The following EVI5 variants were observed in gnomAD, a reference collection of about 807,000 sequenced individuals.
The protein encoded by EVI5 is ecotropic viral integration site 5.
Under a neutral mutation model 112.0 loss-of-function variants are expected in EVI5, and 73 were observed. The observed-to-expected ratio is 0.65, with a 90% CI of 0.54 to 0.79. The LOEUF (loss-of-function observed/expected upper bound fraction) is 0.79. Ranked by LOEUF, EVI5 falls within the 30% of genes least tolerant of loss-of-function variation. The pLI is 0.00. For missense variants in EVI5, 900 were observed against 968.8 expected (o/e 0.93, Z 0.94); for synonymous variants, 305 against 319.9 (o/e 0.95, Z 0.50).
At position 92,708,618 on chromosome 1, in the gene EVI5, T is replaced by C. The variant is rs1457505455; in HGVS notation, c.150-3874A>G. Among the ~76,000 whole-genome samples, 6 of 152,196 alleles carry C rather than the reference T, an allele frequency of 3.9e-5. No individual in the cohort carries two copies. In the South Asian group the frequency reaches 8.3e-4, roughly 21 times the overall value. ...CTCAGCAATTCCACTCTTAGGTATA[T>C]ATCCAAAAGAAATGAAAATTTATAT... On this transcript the variant is annotated intron_variant, in intron 2 of 19. Coordinates refer to ENST00000684568, the MANE Select transcript of EVI5 (RefSeq NM_001350197.2).
chr1:92,675,425 T>C (rs1353374463), intron 10 of EVI5, among the ~76,000 whole-genome samples: 1 of 152,204 alleles, frequency 6.6e-6, no homozygotes, highest in Non-Finnish European at 1.5e-5. Flanking sequence ...TATTCCTATA[T>C]TCATGTACTT....
At chr1:92,777,179 C>T (rs1332764626) in intron 1 of EVI5, among the ~76,000 whole-genome samples, 3 of 152,158 alleles carry the variant, frequency 2.0e-5, no homozygotes, top group Non-Finnish European at 2.9e-5. Flanking sequence ...CTCAGGTGAT[C>T]CAGCTGCCTC....
chr1:92,582,156 T>A (rs1252561770), intron 18 of EVI5, among the ~76,000 whole-genome samples: 1 of 152,200 alleles, frequency 6.6e-6, no homozygotes, highest in Non-Finnish European at 1.5e-5. Flanking sequence ...TGTTACCGTA[T>A]GGAATACTGT....
chr1:92,645,300 A>G (rs1212199124), intron 13 of EVI5, among the ~76,000 whole-genome samples: 1 of 152,124 alleles, frequency 6.6e-6, no homozygotes, highest in African/African-American at 2.4e-5. Flanking sequence ...TGTCTATGAT[A>G]CTAATGCAGA....
intron 15 of EVI5, among the ~76,000 whole-genome samples, chr1:92,625,332 T>C (rs1161766774): frequency 1.3e-5 from 2 of 152,222 alleles, no homozygotes; most frequent in Non-Finnish European, 2.9e-5. Context: ...CTTGTCAACA[T>C]TTCCCTCATA....
In EVI5 at chr1:92,510,456, C is replaced by T. The variant is rs200278515; in HGVS notation, c.*3200G>A. 3 of 152,146 alleles carry T rather than the reference C, an allele frequency of 2.0e-5. No individual in the cohort carries two copies. Among genetic ancestry groups the T allele is most frequent in the Non-Finnish European group, 4.4e-5 (3 of 68,030 alleles). The allele number at this position is 152,146 out of a possible 1,614,324, so 9.4% of individuals were successfully genotyped here. A position where few individuals can be genotyped will look rare whatever the true frequency, so the allele number is the denominator to read the frequency against. On this transcript the variant is annotated 3_prime_UTR_variant, in exon 20 of 20. Coordinates refer to ENST00000684568, the MANE Select transcript of EVI5 (RefSeq NM_001350197.2). Reference sequence around the variant, plus strand: ...GGCATGTTTTCCCTTTTGAATAGTTCTGATTATAATATCCACCATGAAATT... The same window carrying T: ...GGCATGTTTTCCCTTTTGAATAGTTTTGATTATAATATCCACCATGAAATT...
chr1:92,650,130 C>CT (rs528205339), intron 13 of EVI5, among the ~76,000 whole-genome samples: 11 of 151,932 alleles, frequency 7.2e-5, no homozygotes, highest in African/African-American at 9.6e-5. Context: ...CAACTTTGTT[C>CT]TTTTTTTTCA....
intron 18 of EVI5, among the ~76,000 whole-genome samples, chr1:92,573,078 T>C (rs1175010113): frequency 6.6e-6 from 1 of 152,082 alleles, no homozygotes; most frequent in Non-Finnish European, 1.5e-5. Context: ...CTAATAAATA[T>C]TTTTTAAATG....
intron 9 of EVI5, among the ~76,000 whole-genome samples, chr1:92,681,807 A>G (rs1295244825): frequency 6.6e-6 from 1 of 152,220 alleles, no homozygotes; most frequent in Non-Finnish European, 1.5e-5. Context: ...CACTTGAAAT[A>G]TAACTGATGA....
Position 92,603,467 on chromosome 1 carries a change from G to A in EVI5, c.2070+1840C>T, listed in dbSNP as rs185856676. 3.9e-3 allele frequency among the ~76,000 whole-genome samples: 593 copies of A among 152,090 alleles called. 12 individuals are homozygous for A. Among genetic ancestry groups the A allele is most frequent in the Admixed American group, 0.035 (538 of 15,276 alleles). Reference sequence around the variant, plus strand: ...CTAAATGTCCATCAATGAATGAACAGATAAAAAATGTGGTATATACATACA... The same window carrying A: ...CTAAATGTCCATCAATGAATGAACAAATAAAAAATGTGGTATATACATACA... On this transcript the variant is annotated intron_variant, in intron 18 of 19. Coordinates refer to ENST00000684568, the MANE Select transcript of EVI5 (RefSeq NM_001350197.2).
intron 2 of EVI5, among the ~76,000 whole-genome samples, chr1:92,720,162 T>C (rs573751649): frequency 6.6e-6 from 1 of 152,018 alleles, no homozygotes; most frequent in Non-Finnish European, 1.5e-5. Flanking sequence ...CTTCACAGAA[T>C]TGGAAAAAAC....
At chr1:92,745,964 A>C (rs1379213614) in intron 1 of EVI5, among the ~76,000 whole-genome samples, 1 of 152,238 alleles carries the variant, frequency 6.6e-6, no homozygotes, top group African/African-American at 2.4e-5. Flanking sequence ...GAGTCCTTAC[A>C]TAACAAAGAG....
chr1:92,605,112 T>C (rs1174334034), intron 18 of EVI5, among the ~76,000 whole-genome samples, 195 bp downstream of exon 18: 3 of 152,124 alleles, frequency 2.0e-5, no homozygotes, highest in African/African-American at 7.2e-5. Flanking sequence ...GTGTCAAATA[T>C]ACTTAATGCT....
chr1:92,736,207 A>G (rs1017494088), intron 2 of EVI5, among the ~76,000 whole-genome samples, 191 bp downstream of exon 2: 1 of 152,174 alleles, frequency 6.6e-6, no homozygotes, highest in Non-Finnish European at 1.5e-5. Flanking sequence ...ACAAATCTCT[A>G]AAGCTATTTG....
intron 9 of EVI5, among the ~76,000 whole-genome samples, chr1:92,686,056 G>A (rs1471862610): frequency 6.6e-6 from 1 of 152,146 alleles, no homozygotes; most frequent in Non-Finnish European, 1.5e-5. Flanking sequence ...TATGAGGCTA[G>A]CATCATCCTG....
chr1:92,527,391 G>T (rs1346778693), intron 19 of EVI5, among the ~76,000 whole-genome samples: 2 of 135,778 alleles, frequency 1.5e-5, no homozygotes, highest in Admixed American at 8.3e-5. Context: ...CTCCAGCCTG[G>T]GTGAAAGAGT....
intron 19 of EVI5, among the ~76,000 whole-genome samples, chr1:92,515,325 A>G (rs1659689472): frequency 6.6e-6 from 1 of 152,212 alleles, no homozygotes; most frequent in Non-Finnish European, 1.5e-5. Flanking sequence ...ATCAGAATTA[A>G]AACTGATTTA....
intron 14 of EVI5, among the ~76,000 whole-genome samples, chr1:92,632,301 C>A (rs1334920669): frequency 6.6e-6 from 1 of 152,106 alleles, no homozygotes; most frequent in Non-Finnish European, 1.5e-5. Flanking sequence ...GCTGTGAATC[C>A]ATCTGGTCCT....
chr1:92,694,874 TA>T (rs1180224679), intron 7 of EVI5, among the ~76,000 whole-genome samples: 1 of 152,234 alleles, frequency 6.6e-6, no homozygotes, highest in Non-Finnish European at 1.5e-5. Flanking sequence ...AATGTGTTCA[TA>T]GAAGAAACAT....
Sources: allele counts gnomAD v4.1 joint callset (sites outside exome capture counted in the v4.1 genomes callset), GRCh38; gene constraint gnomAD v4.1.1; transcripts MANE v1.5; gene names NCBI Gene and HGNC (gene_info 2026-07-23, HGNC 2026-07-21).